CNTROB: variants seen among roughly 807,000 people sequenced by gnomAD.
CNTROB encodes the protein centrobin.
A neutral mutation model predicts 115.7 loss-of-function variants in CNTROB; 82 were observed. The ratio of observed to expected loss-of-function variants is 0.71; its 90% CI spans 0.59 to 0.85. CNTROB has a LOEUF of 0.85. CNTROB is among the 40% of genes least tolerant of loss of function. The probability of loss-of-function intolerance (pLI) is 0.00; values close to 1 mark genes in which losing one functional copy is unlikely to be tolerated. For synonymous variants in CNTROB, 439 were observed against 456.4 expected, an observed-to-expected ratio of 0.96 and a Z score of 0.49; for missense variants, 1,014 against 1,144.4, an observed-to-expected ratio of 0.89 and a Z score of 1.64.
chr17:7,947,775 C>G, intron 14 of CNTROB, 53 bp downstream of exon 14: 1 of 1,600,380 alleles, frequency 6.2e-7, no homozygotes, highest in Non-Finnish European at 8.5e-7. Context: ...TTTCTCCTTT[C>G]CTCTTTCTGC....
rs976266306 is a variant in CNTROB, at chr17:7,948,291, C to A, written c.2344C>A (p.Gln782Lys). The stretch of plus-strand genomic sequence containing the variant: ...CCCTGAGCCTCCCTCCTCCCATTCA[C>A]AAGGCAGTGGTCCCAGCAGTGGTTC... Reference protein sequence around the residue: ...RVPEPPSSHSQGSGPSSGSPE... With the variant: ...RVPEPPSSHSKGSGPSSGSPE... Residue 782 changes from glutamine (Q) to lysine (K), a missense_variant, in exon 16 of 19, where the codon CAA becomes AAA. By Grantham distance (53) the Gln-to-Lys change is moderately conservative (BLOSUM62 1). Coordinates refer to ENST00000563694, the MANE Select transcript of CNTROB (RefSeq NM_053051.5). The surrounding 1 kb of genome is among the most constrained non-coding windows in gnomAD (Gnocchi z 4.4). 1 of 1,614,152 alleles carries A rather than the reference C, an allele frequency of 6.2e-7. No individual in the cohort carries two copies. Among genetic ancestry groups the A allele is most frequent in the African/African-American group, 1.3e-5 (1 of 75,016 alleles).
Position 7,948,178 on chromosome 17 carries a change from G to T in CNTROB, c.2231G>T (p.Trp744Leu). ...CTAGGTCCTCTGACTGTCCCATCTT[G>T]GGAGGAAGCCCCTCAAGTGCCACGT... is the stretch of plus-strand genomic sequence containing the variant. ...PKSGPLTVPS[W>L]EEAPQVPRIP... The change falls in exon 16 of 19, where the codon TGG becomes TTG. Residue 744 changes from tryptophan (W) to leucine (L), a missense_variant. Transcript: ENST00000563694. The surrounding 1 kb of genome is among the most constrained non-coding windows in gnomAD (Gnocchi z 4.4). The T allele has an allele frequency of 1.9e-6, 3 of 1,614,062 alleles. No individual in the cohort carries two copies.
intron 2 of CNTROB, 33 bp from the exon 3 acceptor site, chr17:7,934,432 C>T (rs748471540): frequency 6.2e-7 from 1 of 1,605,454 alleles, no homozygotes; most frequent in Admixed American, 1.7e-5. Context: ...CATTACCTGA[C>T]TCTGGCTTTG....
Position 7,936,515 on chromosome 17 carries a change from C to T in CNTROB, c.711+33C>T, listed in dbSNP as rs1458920290. Reference sequence around the variant, plus strand: ...GGTAGCAAAATGTGGGTGGGTCTCTCCATGAAGAGCATTAAGGAATAATAA... The same window carrying T: ...GGTAGCAAAATGTGGGTGGGTCTCTTCATGAAGAGCATTAAGGAATAATAA... On this transcript the variant is annotated intron_variant, in intron 5 of 18. Transcript: ENST00000563694. The T allele has an allele frequency of 8.2e-6, 7 of 858,138 alleles. No individual in the cohort carries two copies. In the South Asian group the frequency reaches 9.2e-5, roughly 11 times the overall value. 53.2% of individuals were successfully genotyped at this position (858,138 alleles called of 1,614,324 possible).
rs1050607726 is a variant in CNTROB at position 7,932,252 on chromosome 17, T to G, written c.-828T>G. The G allele has an allele frequency of 4.9e-6, 1 of 202,590 alleles. No homozygotes were observed. The highest frequency in any genetic ancestry group is 1.0e-5 in the Non-Finnish European group (1 of 98,126). 12.5% of individuals were successfully genotyped at this position (202,590 alleles called of 1,614,324 possible). On this transcript the variant is annotated 5_prime_UTR_variant, in exon 1 of 19. Coordinates refer to ENST00000563694, the MANE Select transcript of CNTROB (RefSeq NM_053051.5). ...ACGGTTTTGAGCGTAGGGGGAGGCGTGAGAGGGGGATCTCAGGGGAGGAGG... is the reference window on the plus strand; with the variant it reads ...ACGGTTTTGAGCGTAGGGGGAGGCGGGAGAGGGGGATCTCAGGGGAGGAGG...
rs764023749 is a variant in CNTROB at position 7,943,529 on chromosome 17, G to A, written c.1445+5G>A. 20 of 1,608,756 alleles carry A rather than the reference G, an allele frequency of 1.2e-5. No homozygotes were observed. The highest frequency in any genetic ancestry group is 9.4e-6 in the Non-Finnish European group (11 of 1,176,456). On this transcript the variant is annotated splice_donor_5th_base_variant and intron_variant, in intron 10 of 18. Transcript: ENST00000563694. This position sits in a 1 kb window ranked among gnomAD's most constrained non-coding sequence, Gnocchi z 4.7. ...CTCCCTCAGGGAACATCACAGGTAC[G>A]TGGGACTCACTGGGTGTCACTTCTC...
In CNTROB at chr17:7,943,789, T is replaced by C. The variant is rs1843633248; in HGVS notation, c.1445+265T>C. Among the ~76,000 whole-genome samples the C allele has an allele frequency of 6.6e-6, 1 of 152,162 alleles. No individual in the cohort carries two copies. Among genetic ancestry groups the C allele is most frequent in the South Asian group, 2.1e-4 (1 of 4,822 alleles). On this transcript the variant is annotated intron_variant, in intron 10 of 18. Coordinates refer to ENST00000563694, the MANE Select transcript of CNTROB (RefSeq NM_053051.5). The surrounding 1 kb of genome is among the most constrained non-coding windows in gnomAD (Gnocchi z 4.7). ...GGTGCAGAATGATAGATGGTCCAGC[T>C]CCCTCACTGGGACAGTGCTGAGGTA...
rs1263395907 is a variant in CNTROB, at chr17:7,936,559, A to G, written c.711+77A>G. The G allele has an allele frequency of 6.2e-6, 5 of 804,702 alleles. No individual in the cohort carries two copies. The East Asian group carries it at 1.2e-4, about 19-fold the overall frequency. The allele number at this position is 804,702 out of a possible 1,614,324, so 49.8% of individuals were successfully genotyped here. A position where few individuals can be genotyped will look rare whatever the true frequency, so the allele number is the denominator to read the frequency against. On this transcript the variant is annotated intron_variant, in intron 5 of 18. Transcript: ENST00000563694. ...ATAATAAATAAGTGGGTGGCCAACC[A>G]ATGTTTCTTGGTACATGCTGAGAGC...
chr17:7,942,543 G>T (rs567097688), intron 9 of CNTROB, among the ~76,000 whole-genome samples: 1 of 141,300 alleles, frequency 7.1e-6, no homozygotes, highest in Non-Finnish European at 1.5e-5. Context: ...GTTGCAGTGA[G>T]CCGAGATCGC....
Position 7,932,743 on chromosome 17 carries a change from T to C in CNTROB, c.-337T>C, listed in dbSNP as rs2151727829. 1 of 273,810 alleles carries C rather than the reference T, an allele frequency of 3.7e-6. No individual in the cohort carries two copies. Among genetic ancestry groups the C allele is most frequent in the Admixed American group, 5.3e-5 (1 of 19,002 alleles). The allele number at this position is 273,810 out of a possible 1,614,324, so 17.0% of individuals were successfully genotyped here. A position where few individuals can be genotyped will look rare whatever the true frequency, so the allele number is the denominator to read the frequency against. On this transcript the variant is annotated 5_prime_UTR_variant, in exon 1 of 19. Transcript: ENST00000563694. The stretch of plus-strand genomic sequence containing the variant: ...GGGATAGCCTGTGCCGGAGTTGATC[T>C]GCAGCTTCCAGCACTCGTAGTCGGG...
At position 7,932,921 on chromosome 17, in the gene CNTROB, TA is replaced by T; in HGVS notation, c.-157del. 1.3e-6 allele frequency: 1 copy of T among 785,074 alleles called. No homozygotes were observed. The highest frequency in any genetic ancestry group is 2.0e-6 in the Non-Finnish European group (1 of 498,278). The allele number at this position is 785,074 out of a possible 1,614,324, so 48.6% of individuals were successfully genotyped here. ...CTGGAACTGGTGGAAACCTTTCCTC[TA>T]ACCAGAAAGCCTCGATATCCTTAAT... On this transcript the variant is annotated 5_prime_UTR_variant, in exon 1 of 19. It introduces an in-frame stop codon into an upstream open reading frame of the 5' UTR. Coordinates refer to ENST00000563694, the MANE Select transcript of CNTROB (RefSeq NM_053051.5).
At chr17:7,942,726 G>T (rs1410088506) in intron 9 of CNTROB, among the ~76,000 whole-genome samples, 2 of 149,630 alleles carry the variant, frequency 1.3e-5, no homozygotes, top group African/African-American at 2.5e-5. Flanking sequence ...GACTGCTTAA[G>T]GAGGAAGAGG....
Position 7,944,726 on chromosome 17 carries a change from GGA to G in CNTROB, c.1734+90_1734+91del. On this transcript the variant is annotated intron_variant, in intron 12 of 18. Coordinates refer to ENST00000563694, the MANE Select transcript of CNTROB (RefSeq NM_053051.5). The surrounding 1 kb of genome is among the most constrained non-coding windows in gnomAD (Gnocchi z 4.0). ...ACAGGGTCTCACTCTTGCCCAGGCT[GGA>G]GTGTACTGGTGAGATCATAGCTCAT... is the stretch of plus-strand genomic sequence containing the variant. 1 of 1,475,168 alleles carries G rather than the reference GGA, an allele frequency of 6.8e-7. No individual in the cohort carries two copies. The highest frequency in any genetic ancestry group is 1.4e-5 in the African/African-American group (1 of 71,536). The allele number at this position is 1,475,168 out of a possible 1,614,324, so 91.4% of individuals were successfully genotyped here.
rs561439551 is a variant in CNTROB, at chr17:7,935,419, G to A, written c.594+274G>A. Among the ~76,000 whole-genome samples the A allele has an allele frequency of 2.6e-4, 39 of 152,088 alleles. No homozygotes were observed. The East Asian group carries it at 6.4e-3, about 25-fold the overall frequency. ...CGGGAGGCTGAGGCAGGAGAATGGC[G>A]TGAACCTGGGAGGCGGAGCTTGCAG... On this transcript the variant is annotated intron_variant, in intron 4 of 18. Coordinates refer to ENST00000563694, the MANE Select transcript of CNTROB (RefSeq NM_053051.5).
intron 3 of CNTROB, 103 bp from the exon 4 acceptor site, chr17:7,934,886 G>A: frequency 7.6e-7 from 1 of 1,314,046 alleles, no homozygotes; most frequent in South Asian, 1.5e-5. Context: ...CAAGTCTCTT[G>A]CCCTCTCTGG....
At chr17:7,946,130 C>T in intron 13 of CNTROB, 144 bp downstream of exon 13, 2 of 719,294 alleles carry the variant, frequency 2.8e-6, no homozygotes, top group Non-Finnish European at 2.4e-6. Flanking sequence ...CAGAAATCTG[C>T]TCACATTGGT....
chr17:7,937,155 T>G lies in CNTROB; in HGVS notation c.829-9T>G. ...GTTCCTCTGCCCTGTATTCCTCTCTTCCTGAAAGACAGTAACCCGCCTGGA... is the reference window on the plus strand; with the variant it reads ...GTTCCTCTGCCCTGTATTCCTCTCTGCCTGAAAGACAGTAACCCGCCTGGA... On this transcript the variant is annotated splice_polypyrimidine_tract_variant and intron_variant, in intron 6 of 18. Coordinates refer to ENST00000563694, the MANE Select transcript of CNTROB (RefSeq NM_053051.5). The G allele has an allele frequency of 1.9e-6, 3 of 1,614,126 alleles. No individual in the cohort carries two copies. Among genetic ancestry groups the G allele is most frequent in the South Asian group, 1.1e-5 (1 of 91,082 alleles).
chr17:7,944,024 A>C lies in CNTROB; in HGVS notation c.1446-99A>C, dbSNP rs1371150062. ...CCATGGCCAGGCTAGCTGACTGGCTATCTGGGTCACTGTCATGTGCACACA... is the reference window on the plus strand; with the variant it reads ...CCATGGCCAGGCTAGCTGACTGGCTCTCTGGGTCACTGTCATGTGCACACA... On this transcript the variant is annotated intron_variant, in intron 10 of 18. Coordinates refer to ENST00000563694, the MANE Select transcript of CNTROB (RefSeq NM_053051.5). The surrounding 1 kb of genome is among the most constrained non-coding windows in gnomAD (Gnocchi z 4.0). The C allele has an allele frequency of 2.3e-6, 2 of 867,572 alleles. No homozygotes were observed. The highest frequency in any genetic ancestry group is 2.1e-5 in the Admixed American group (1 of 46,516). 53.7% of individuals were successfully genotyped at this position (867,572 alleles called of 1,614,324 possible).
chr17:7,935,622 C>T (rs1047626630), intron 4 of CNTROB: 12 of 167,080 alleles, frequency 7.2e-5, no homozygotes, highest in African/African-American at 2.7e-4. Flanking sequence ...ACCTCCTTTC[C>T]AAGTAGTCAG....
Sources: allele counts gnomAD v4.1 joint callset (sites outside exome capture counted in the v4.1 genomes callset), GRCh38; gene constraint gnomAD v4.1.1; non-coding constraint Gnocchi (gnomAD v3.1); transcripts MANE v1.5; gene names NCBI Gene and HGNC (gene_info 2026-07-23, HGNC 2026-07-21).